The following HDAC7 variants were observed in gnomAD, a reference collection of about 807,000 sequenced individuals.
HDAC7 encodes histone deacetylase 7.
A neutral mutation model predicts 115.5 loss-of-function variants in HDAC7; 26 were observed. The ratio of observed to expected loss-of-function variants is 0.23; its 90% CI spans 0.16 to 0.31. The LOEUF is 0.31. Among genes scored for constraint, HDAC7 ranks in the 10% least tolerant of loss-of-function variants. The pLI is 1.00. For missense variants in HDAC7, 1,068 were observed against 1,329.0 expected (o/e 0.80, Z 3.05); for synonymous variants, 564 against 550.9 (o/e 1.02, Z -0.33).
Position 47,803,331 on chromosome 12 carries a change from G to A in HDAC7, c.20-1057C>T, listed in dbSNP as rs890245889. 1.3e-5 allele frequency among the ~76,000 whole-genome samples: 2 copies of A among 152,176 alleles called. No homozygotes were observed. Among genetic ancestry groups the A allele is most frequent in the African/African-American group, 4.8e-5 (2 of 41,440 alleles). On this transcript the variant is annotated intron_variant, in intron 1 of 25. Coordinates refer to ENST00000080059, the MANE Select transcript of HDAC7 (RefSeq NM_015401.5). This position sits in a 1 kb window ranked among gnomAD's most constrained non-coding sequence, Gnocchi z 4.0. ...GGATATTTTTTGAGAAACTGCCGGG[G>A]TGCTCCTTTGGGTCTGTGTCTCAGA...
chr12:47,806,592 G>C (rs150567059), intron 1 of HDAC7, among the ~76,000 whole-genome samples: 1 of 152,148 alleles, frequency 6.6e-6, no homozygotes. Flanking sequence ...GGGAGGCTGA[G>C]GCACAAGAAT....
Position 47,797,009 on chromosome 12 carries a change from G to A in HDAC7, c.703+8C>T, listed in dbSNP as rs1388935037. On this transcript the variant is annotated splice_region_variant and intron_variant, in intron 7 of 25. Transcript: ENST00000080059. This position sits in a 1 kb window ranked among gnomAD's most constrained non-coding sequence, Gnocchi z 5.5. ...GATGGCAACCGCACTGGCTCAGCCG[G>A]CCCTCACCTCCGAGGGTCTCTGCGG... 1 of 1,537,880 alleles carries A rather than the reference G, an allele frequency of 6.5e-7. No homozygotes were observed. Among genetic ancestry groups the A allele is most frequent in the East Asian group, 2.3e-5 (1 of 44,006 alleles).
At chr12:47,791,552 C>G (rs200330333) in intron 15 of HDAC7, 34 bp downstream of exon 15, 2 of 1,582,802 alleles carry the variant, frequency 1.3e-6, no homozygotes, top group Non-Finnish European at 8.6e-7. Context: ...GTGAGGTAAG[C>G]TGGCATGGGG....
chr12:47,789,849 A>G lies in HDAC7; in HGVS notation c.2055T>C (p.Thr685=), dbSNP rs375345641. 4 of 1,613,808 alleles carry G rather than the reference A, an allele frequency of 2.5e-6. No individual in the cohort carries two copies. Among genetic ancestry groups the G allele is most frequent in the Non-Finnish European group, 3.4e-6 (4 of 1,180,010 alleles). The change falls in exon 17 of 26, where the codon ACT becomes ACC. Residue 685 remains threonine, a synonymous_variant. Transcript: ENST00000080059. ...GAGAAGCCACTTTGAAGGCGAGGTC[A>G]GTGACACTGCCAGCGGCCCAGCGGG... ...NAARWAAGSV[T]DLAFKVASRE...
At chr12:47,789,634 T>G (rs1943371676) in intron 17 of HDAC7, 56 bp from the exon 18 acceptor site, 2 of 1,582,256 alleles carry the variant, frequency 1.3e-6, no homozygotes, top group East Asian at 4.5e-5. Context: ...CACAGCTGCA[T>G]GAACGTACCC....
In HDAC7 at chr12:47,789,510, C is replaced by G; in HGVS notation, c.2147+13G>C. ...CCCCACCTCATCCCACCCAGGTCTT[C>G]CCTTAGCCTTACATGGCTGTTGAAT... is the stretch of plus-strand genomic sequence containing the variant. On this transcript the variant is annotated intron_variant, in intron 18 of 25. Coordinates refer to ENST00000080059, the MANE Select transcript of HDAC7 (RefSeq NM_015401.5). The G allele has an allele frequency of 6.2e-7, 1 of 1,613,942 alleles. No individual in the cohort carries two copies. The highest frequency in any genetic ancestry group is 2.2e-5 in the East Asian group (1 of 44,884).
At chr12:47,816,172 G>C (rs189093184) in intron 1 of HDAC7, among the ~76,000 whole-genome samples, 1 of 152,100 alleles carries the variant, frequency 6.6e-6, no homozygotes, top group Admixed American at 6.6e-5. Flanking sequence ...GATTACAGGC[G>C]TAAGTCACCG....
rs144622764 is a variant in HDAC7, at chr12:47,799,107, T to C, written c.71-135A>G. 4,068 of 624,500 alleles carry C rather than the reference T, an allele frequency of 6.5e-3. 35 individuals are homozygous for C. Among genetic ancestry groups the C allele is most frequent in the Non-Finnish European group, 9.1e-3 (3,358 of 367,092 alleles). 38.7% of individuals were successfully genotyped at this position (624,500 alleles called of 1,614,324 possible). The stretch of plus-strand genomic sequence containing the variant: ...ACTCTCATGGGGGTTTTTCCTCACT[T>C]AATCCTGTCGTGGTCCTGCAAGGTA... On this transcript the variant is annotated intron_variant, in intron 2 of 25. Coordinates refer to ENST00000080059, the MANE Select transcript of HDAC7 (RefSeq NM_015401.5).
chr12:47,817,532 C>G (rs886635907), intron 1 of HDAC7: 2 of 152,402 alleles, frequency 1.3e-5, no homozygotes, highest in Non-Finnish European at 1.5e-5. Context: ...AGCAATACCC[C>G]ACACCCCACT....
Position 47,789,283 on chromosome 12 carries a change from C to A in HDAC7, c.2213G>T (p.Ser738Ile). 6.2e-7 allele frequency: 1 copy of A among 1,614,032 alleles called. No homozygotes were observed. The highest frequency in any genetic ancestry group is 8.5e-7 in the Non-Finnish European group (1 of 1,179,920). Residue 738 changes from serine to isoleucine, a missense_variant, in exon 19 of 26, where the codon AGC becomes ATC. Physicochemically the swap from Ser to Ile is moderately radical, Grantham distance 142. Transcript: ENST00000080059. Reference sequence around the variant, plus strand: ...TACCCAGTCTACAATGAGGATCTTGCTGGCCTTGCTCTGCTGTTGCAGCTG... The same window carrying A: ...TACCCAGTCTACAATGAGGATCTTGATGGCCTTGCTCTGCTGTTGCAGCTG... ...CRQLQQQSKASKILIVDWDVH... is the reference protein window; with the variant it reads ...CRQLQQQSKAIKILIVDWDVH...
At chr12:47,802,838 G>A (rs1944234132) in intron 1 of HDAC7, among the ~76,000 whole-genome samples, 1 of 152,178 alleles carries the variant, frequency 6.6e-6, no homozygotes, top group Non-Finnish European at 1.5e-5. Flanking sequence ...ACTGGGTCAT[G>A]GCCCGGAGGT....
At position 47,796,624 on chromosome 12, in the gene HDAC7, A is replaced by G. The variant is rs190523041; in HGVS notation, c.704-326T>C. On this transcript the variant is annotated intron_variant, in intron 7 of 25. Coordinates refer to ENST00000080059, the MANE Select transcript of HDAC7 (RefSeq NM_015401.5). ...TTTTTAGTAGAGACAGGGTTTCACC[A>G]TATTGTCCAGGCTGGTCTCAAACTC... Among the ~76,000 whole-genome samples the G allele has an allele frequency of 1.3e-4, 20 of 152,124 alleles. No homozygotes were observed. In the East Asian group the frequency reaches 2.3e-3, roughly 18 times the overall value.
rs770087332 is a variant in HDAC7 at position 47,795,611 on chromosome 12, C to T, written c.1063G>A (p.Gly355Ser). Residue 355 changes from glycine to serine, a missense_variant, in exon 10 of 26, where the codon GGC becomes AGC. Coordinates refer to ENST00000080059, the MANE Select transcript of HDAC7 (RefSeq NM_015401.5). This position sits in a 1 kb window ranked among gnomAD's most constrained non-coding sequence, Gnocchi z 4.3. Reference sequence around the variant, plus strand: ...CCAGTCAGCAGCGGGGCATGAGAGCCTGAGGGGTCCAGGAGGAGAATGGGC... The same window carrying T: ...CCAGTCAGCAGCGGGGCATGAGAGCTTGAGGGGTCCAGGAGGAGAATGGGC... The part of the protein sequence containing the change: ...LQPILLLDPS[G>S]SHAPLLTVPG... 1.2e-5 allele frequency: 19 copies of T among 1,561,356 alleles called. No individual in the cohort carries two copies. The highest frequency in any genetic ancestry group is 1.6e-5 in the Non-Finnish European group (19 of 1,153,012).
Position 47,795,740 on chromosome 12 carries a change from T to C in HDAC7, c.934A>G (p.Thr312Ala). 6.5e-7 allele frequency: 1 copy of C among 1,540,280 alleles called. No individual in the cohort carries two copies. The highest frequency in any genetic ancestry group is 8.8e-7 in the Non-Finnish European group (1 of 1,142,296). ...AGGATTGGCCCCCGAGGGCCCAGAG[T>C]CGGATGGGTCCTGCGGTCACTGTCA... ...RADSDRRTHP[T>A]LGPRGPILGS... The change falls in exon 10 of 26, where the codon ACT becomes GCT. Residue 312 changes from threonine to alanine, a missense_variant. Thr to Ala is a moderately conservative substitution (Grantham distance 58). Coordinates refer to ENST00000080059, the MANE Select transcript of HDAC7 (RefSeq NM_015401.5). The surrounding 1 kb of genome is among the most constrained non-coding windows in gnomAD (Gnocchi z 4.3).
intron 24 of HDAC7, chr12:47,785,181 C>T: frequency 1.7e-6 from 1 of 572,590 alleles, no homozygotes; most frequent in Non-Finnish European, 3.1e-6. Flanking sequence ...GTAGGCCCTG[C>T]TGGCTCCATC....
chr12:47,796,081 A>T, intron 8 of HDAC7, 65 bp from the exon 9 acceptor site: 1 of 1,528,522 alleles, frequency 6.5e-7, no homozygotes, highest in East Asian at 2.4e-5. Context: ...CCTTCCCCAG[A>T]ACACCCAGGA....
At chr12:47,810,824 C>CTCTG (rs1032645801) in intron 1 of HDAC7, among the ~76,000 whole-genome samples, 1 of 97,126 alleles carries the variant, frequency 1.0e-5, no homozygotes, top group South Asian at 3.2e-4. Flanking sequence ...CTCTCTCTCT[C>CTCTG]TCTCTCTCTC....
At chr12:47,790,002 G>T in intron 16 of HDAC7, 82 bp from the exon 17 acceptor site, 7 of 1,029,306 alleles carry the variant, frequency 6.8e-6, no homozygotes, top group Non-Finnish European at 9.1e-6. Context: ...CCCACCCCAC[G>T]GCCAGGACCC....
chr12:47,789,439 G>A (rs766771434), intron 18 of HDAC7, 84 bp downstream of exon 18: 4 of 1,583,960 alleles, frequency 2.5e-6, no homozygotes, highest in Non-Finnish European at 3.5e-6. Context: ...AGAAAGCTCA[G>A]GGAAGAAGAG....
Sources: allele counts gnomAD v4.1 joint callset (sites outside exome capture counted in the v4.1 genomes callset), GRCh38; gene constraint gnomAD v4.1.1; non-coding constraint Gnocchi (gnomAD v3.1); transcripts MANE v1.5; gene names NCBI Gene and HGNC (gene_info 2026-07-23, HGNC 2026-07-21).